The following TXNRD3 variants were observed in gnomAD, a reference collection of about 807,000 sequenced individuals.
TXNRD3 encodes TXNRD3 neighbor gene protein.
In TXNRD3, 68 loss-of-function variants were observed where a neutral mutation model predicts 78.2. The ratio of observed to expected loss-of-function variants is 0.87; its 90% CI spans 0.72 to 1.06. The LOEUF is 1.06. Ranked by LOEUF, TXNRD3 falls within the 50% of genes least tolerant of loss-of-function variation. The probability of loss-of-function intolerance (pLI) is 0.00; values close to 1 mark genes in which losing one functional copy is unlikely to be tolerated. For missense variants in TXNRD3, 751 were observed against 809.5 expected, an observed-to-expected ratio of 0.93 and a Z score of 0.88; for synonymous variants, 296 against 300.1, an observed-to-expected ratio of 0.99 and a Z score of 0.14.
intron 10 of TXNRD3, among the ~76,000 whole-genome samples, chr3:126,626,512 C>A (rs9853836): frequency 0.59 from 89,225 of 151,956 alleles, 26,776 homozygotes; most frequent in Non-Finnish European, 0.65. Context: ...AGAAAATATA[C>A]ATGAATGGCC....
Position 126,634,000 on chromosome 3 carries a change from G to A in TXNRD3, c.764C>T (p.Ser255Phe), listed in dbSNP as rs1205241445. 8 of 1,529,192 alleles carry A rather than the reference G, an allele frequency of 5.2e-6. No individual in the cohort carries two copies. Among genetic ancestry groups the A allele is most frequent in the South Asian group, 1.2e-5 (1 of 82,592 alleles). The allele number at this position is 1,529,192 out of a possible 1,614,324, so 94.7% of individuals were successfully genotyped here. ...AGACAACCTGTAGCCCCAGTTTAGA[G>A]AGCTGATGTGGTTCTGAATCGCTTT... Residue 255 changes from serine (S) to phenylalanine (F), a missense_variant, in exon 7 of 16, where the codon TCT becomes TTT. Physicochemically the swap from Ser to Phe is radical, Grantham distance 155. Coordinates refer to ENST00000524230, the MANE Select transcript of TXNRD3 (RefSeq NM_052883.3).
chr3:126,615,984 G>T (rs1938310855), intron 12 of TXNRD3, among the ~76,000 whole-genome samples: 1 of 152,212 alleles, frequency 6.6e-6, no homozygotes, highest in African/African-American at 2.4e-5. Context: ...TGGTACATGT[G>T]TGAGTGTGTC....
Position 126,642,086 on chromosome 3 carries a change from A to G in TXNRD3, c.658T>C (p.Leu220=). ...CTTGAGTCACATAATGCCTGCCCCA[A>G]AAGGGCAGCCTGATGCATCAATTTC... The change falls in exon 6 of 16, where the codon TTG becomes CTG. Residue 220 remains leucine, a synonymous_variant. Transcript: ENST00000524230. The G allele has an allele frequency of 1.3e-6, 2 of 1,536,250 alleles. No homozygotes were observed. The highest frequency in any genetic ancestry group is 8.7e-7 in the Non-Finnish European group (1 of 1,146,860).
chr3:126,621,577 C>T (rs1384807630), intron 12 of TXNRD3, among the ~76,000 whole-genome samples, 165 bp downstream of exon 12: 1 of 152,194 alleles, frequency 6.6e-6, no homozygotes, highest in African/African-American at 2.4e-5. Flanking sequence ...ACAGTGGACA[C>T]TCAAAAATAC....
Position 126,644,382 on chromosome 3 carries a change from A to G in TXNRD3, c.434T>C (p.Leu145Ser). 6.5e-7 allele frequency: 1 copy of G among 1,536,060 alleles called. No individual in the cohort carries two copies. The highest frequency in any genetic ancestry group is 8.7e-7 in the Non-Finnish European group (1 of 1,146,812). ...CAAATCTTCCTGAAGGAGCTTCTGT[A>G]ACAAACCACTCTGATATGCCTATGG... Residue 145 changes from leucine (L) to serine (S), a missense_variant, in exon 4 of 16, where the codon TTA becomes TCA. By Grantham distance (145) the Leu-to-Ser change is moderately radical (BLOSUM62 -2). Coordinates refer to ENST00000524230, the MANE Select transcript of TXNRD3 (RefSeq NM_052883.3).
intron 6 of TXNRD3, among the ~76,000 whole-genome samples, chr3:126,636,393 T>C (rs1938863841): frequency 6.6e-6 from 1 of 152,228 alleles, no homozygotes; most frequent in African/African-American, 2.4e-5. Flanking sequence ...AGTGCAGATA[T>C]CAGTAGTGAA....
intron 12 of TXNRD3, among the ~76,000 whole-genome samples, chr3:126,617,949 A>G (rs1938354948): frequency 1.3e-5 from 2 of 152,238 alleles, no homozygotes; most frequent in Non-Finnish European, 2.9e-5. Flanking sequence ...TGAAAAAGAA[A>G]TCAATAAAGC....
At chr3:126,652,973 T>G (rs755712501) in intron 1 of TXNRD3, among the ~76,000 whole-genome samples, 2 of 152,232 alleles carry the variant, frequency 1.3e-5, no homozygotes, top group Non-Finnish European at 2.9e-5. Context: ...TCCTTAAAAT[T>G]CTGCTTTGCA....
Position 126,607,561 on chromosome 3 carries a change from C to T in TXNRD3, c.*344G>A. 5.0e-6 allele frequency: 1 copy of T among 198,902 alleles called. No homozygotes were observed. Among genetic ancestry groups the T allele is most frequent in the Non-Finnish European group, 1.0e-5 (1 of 98,908 alleles). 12.3% of individuals were successfully genotyped at this position (198,902 alleles called of 1,614,324 possible). A position where few individuals can be genotyped will look rare whatever the true frequency, so the allele number is the denominator to read the frequency against. On this transcript the variant is annotated 3_prime_UTR_variant, in exon 16 of 16. Coordinates refer to ENST00000524230, the MANE Select transcript of TXNRD3 (RefSeq NM_052883.3). ...GCAAAGGGGATAAAAACAATAGCGACCAGAAAAGCTAACTTAGGTGAATGG... is the reference window on the plus strand; with the variant it reads ...GCAAAGGGGATAAAAACAATAGCGATCAGAAAAGCTAACTTAGGTGAATGG...
chr3:126,622,263 T>A (rs1176645772), intron 11 of TXNRD3, among the ~76,000 whole-genome samples: 1 of 152,268 alleles, frequency 6.6e-6, no homozygotes, highest in Non-Finnish European at 1.5e-5. Flanking sequence ...AGTCATTGTT[T>A]AATATATGAG....
Position 126,621,823 on chromosome 3 carries a change from C to T in TXNRD3, c.1443G>A (p.Glu481=), listed in dbSNP as rs1254019164. 3 of 1,535,782 alleles carry T rather than the reference C, an allele frequency of 2.0e-6. No individual in the cohort carries two copies. Among genetic ancestry groups the T allele is most frequent in the African/African-American group, 1.4e-5 (1 of 73,112 alleles). ...CGACAGGAGTGAGCTCTGGCTTATC[C>T]TCCAAAATATCACCAACAGCATAGA... is the stretch of plus-strand genomic sequence containing the variant. The change falls in exon 12 of 16, where the codon GAG becomes GAA. Residue 481 remains glutamate, a synonymous_variant. Coordinates refer to ENST00000524230, the MANE Select transcript of TXNRD3 (RefSeq NM_052883.3).
chr3:126,644,146 G>A, intron 4 of TXNRD3, 93 bp from the exon 5 acceptor site: 1 of 1,403,766 alleles, frequency 7.1e-7, no homozygotes, highest in Non-Finnish European at 9.7e-7. Flanking sequence ...GACTGTTTTT[G>A]TGTGACACAC....
chr3:126,637,464 T>G (rs527458449), intron 6 of TXNRD3, among the ~76,000 whole-genome samples: 6 of 152,192 alleles, frequency 3.9e-5, no homozygotes, highest in Non-Finnish European at 8.8e-5. Context: ...TTGCTTATAT[T>G]CAACCTATCT....
chr3:126,646,890 T>C (rs1000985067), intron 2 of TXNRD3, among the ~76,000 whole-genome samples: 1 of 152,218 alleles, frequency 6.6e-6, no homozygotes, highest in Non-Finnish European at 1.5e-5. Flanking sequence ...CCCTGGTGGA[T>C]GACACAGCCA....
chr3:126,654,692 G>A (rs1933468954), intron 1 of TXNRD3, 56 bp downstream of exon 1: 12 of 1,176,848 alleles, frequency 1.0e-5, no homozygotes, highest in Non-Finnish European at 1.1e-5. Flanking sequence ...GCCCCGGGTG[G>A]CGTCCGCGTG....
In TXNRD3 at chr3:126,622,340, C is replaced by T. The variant is rs189856761; in HGVS notation, c.1367+124G>A. Reference sequence around the variant, plus strand: ...TGATGAAGAAATTGATTATAAAGAGCTGGCACTGAACTTATAAGATAAATT... The same window carrying T: ...TGATGAAGAAATTGATTATAAAGAGTTGGCACTGAACTTATAAGATAAATT... On this transcript the variant is annotated intron_variant, in intron 11 of 15. Coordinates refer to ENST00000524230, the MANE Select transcript of TXNRD3 (RefSeq NM_052883.3). The T allele has an allele frequency of 1.9e-5, 12 of 631,466 alleles. No homozygotes were observed. The East Asian group carries it at 3.6e-4, about 19-fold the overall frequency. The allele number at this position is 631,466 out of a possible 1,614,324, so 39.1% of individuals were successfully genotyped here.
intron 6 of TXNRD3, among the ~76,000 whole-genome samples, chr3:126,640,228 C>A (rs1933037349): frequency 3.0e-5 from 1 of 33,618 alleles, no homozygotes; most frequent in African/African-American, 6.0e-5. Flanking sequence ...CCTCAGCCTC[C>A]CGAGTAGCTG....
At chr3:126,638,181 G>C (rs1932954636) in intron 6 of TXNRD3, among the ~76,000 whole-genome samples, 2 of 151,872 alleles carry the variant, frequency 1.3e-5, no homozygotes, top group Non-Finnish European at 2.9e-5. Context: ...CTGACCTCGT[G>C]ATCCGCCCGC....
intron 1 of TXNRD3, 37 bp downstream of exon 1, chr3:126,654,711 G>A (rs780526306): frequency 6.8e-5 from 84 of 1,241,150 alleles, no homozygotes; most frequent in Non-Finnish European, 7.4e-5. Context: ...TGGCGGGCCC[G>A]GTCGCGCGCG....
Sources: allele counts gnomAD v4.1 joint callset (sites outside exome capture counted in the v4.1 genomes callset), GRCh38; gene constraint gnomAD v4.1.1; transcripts MANE v1.5; gene names NCBI Gene and HGNC (gene_info 2026-07-23, HGNC 2026-07-21).